The following CRABP2 variants were observed in gnomAD, a reference collection of about 807,000 sequenced individuals.
The protein encoded by CRABP2 is cellular retinoic acid binding protein 2.
Under a neutral mutation model 17.9 loss-of-function variants are expected in CRABP2, and 20 were observed. The ratio of observed to expected loss-of-function variants is 1.12; its 90% CI spans 0.79 to 1.63. The LOEUF (loss-of-function observed/expected upper bound fraction) is 1.63. Among genes scored for constraint, CRABP2 ranks in the 40% most tolerant of loss-of-function variants. The pLI is 0.00. For synonymous variants in CRABP2, 76 were observed against 66.4 expected (o/e 1.14, Z -0.70); for missense variants, 151 against 168.6 (o/e 0.90, Z 0.58).
intron 1 of CRABP2, among the ~76,000 whole-genome samples, chr1:156,704,028 C>T (rs1648120328): frequency 6.6e-6 from 1 of 152,112 alleles, no homozygotes; most frequent in South Asian, 2.1e-4. Context: ...AGGATTGGGG[C>T]CTTGAATCTT....
At position 156,700,584 on chromosome 1, in the gene CRABP2, G is replaced by A; in HGVS notation, c.324C>T (p.Thr108=). Residue 108 remains threonine, a synonymous_variant, in exon 3 of 4, where the codon ACC becomes ACT. Coordinates refer to ENST00000368222, the MANE Select transcript of CRABP2 (RefSeq NM_001878.4). ...CGTTGGTCAGTTCTCTGGTCCACGA[G>A]GTCTTGGGGCCCTCTCCCTTCAGGA... ...QKLLKGEGPK[T]SWTRELTNDG... is the part of the protein sequence containing the mutation. 1 of 1,614,152 alleles carries A rather than the reference G, an allele frequency of 6.2e-7. No individual in the cohort carries two copies. The highest frequency in any genetic ancestry group is 8.5e-7 in the Non-Finnish European group (1 of 1,180,010).
chr1:156,705,373 T>G lies in CRABP2; in HGVS notation c.70+4A>C. ...CCCACCTGGGCCCTCGAACATTTCC[T>G]TACCCAGCACTTTGAGCAATTCCTC... On this transcript the variant is annotated splice_donor_region_variant and intron_variant, in intron 1 of 3. Transcript: ENST00000368222. This position sits in a 1 kb window ranked among gnomAD's most constrained non-coding sequence, Gnocchi z 5.2. 1 of 1,613,976 alleles carries G rather than the reference T, an allele frequency of 6.2e-7. No individual in the cohort carries two copies. The highest frequency in any genetic ancestry group is 2.2e-5 in the East Asian group (1 of 44,856).
At chr1:156,704,661 G>GA (rs1648142695) in intron 1 of CRABP2, among the ~76,000 whole-genome samples, 1 of 152,216 alleles carries the variant, frequency 6.6e-6, no homozygotes, top group Non-Finnish European at 1.5e-5. Context: ...AGGTAGGTGG[G>GA]AACCTAGATT....
rs770917529 is a variant in CRABP2, at chr1:156,705,358, C to G, written c.70+19G>C. Reference sequence around the variant, plus strand: ...AGAGCCCCCCCTTGCCCCACCTGGGCCCTCGAACATTTCCTTACCCAGCAC... The same window carrying G: ...AGAGCCCCCCCTTGCCCCACCTGGGGCCTCGAACATTTCCTTACCCAGCAC... On this transcript the variant is annotated intron_variant, in intron 1 of 3. Transcript: ENST00000368222. This position sits in a 1 kb window ranked among gnomAD's most constrained non-coding sequence, Gnocchi z 5.2. 6.2e-6 allele frequency: 10 copies of G among 1,613,374 alleles called. No individual in the cohort carries two copies. The highest frequency in any genetic ancestry group is 8.5e-6 in the Non-Finnish European group (10 of 1,179,552).
intron 3 of CRABP2, among the ~76,000 whole-genome samples, 192 bp from the exon 4 acceptor site, chr1:156,700,268 G>C (rs1258916825): frequency 6.6e-6 from 1 of 152,046 alleles, no homozygotes; most frequent in Non-Finnish European, 1.5e-5. Flanking sequence ...GAGCCCCTGG[G>C]GCCCGTCCTC....
At chr1:156,704,323 C>A (rs1648129731) in intron 1 of CRABP2, among the ~76,000 whole-genome samples, 1 of 152,132 alleles carries the variant, frequency 6.6e-6, no homozygotes, top group Non-Finnish European at 1.5e-5. Context: ...TCCTATAGTC[C>A]AGGGAGAGGG....
intron 1 of CRABP2, among the ~76,000 whole-genome samples, chr1:156,704,811 G>A (rs899408620): frequency 1.6e-4 from 25 of 151,938 alleles, no homozygotes; most frequent in African/African-American, 4.6e-4. Context: ...GGTGGGGAGA[G>A]CAGAGTGGAA....
chr1:156,703,743 C>A (rs948171798), intron 1 of CRABP2, among the ~76,000 whole-genome samples: 1 of 152,182 alleles, frequency 6.6e-6, no homozygotes, highest in Non-Finnish European at 1.5e-5. Context: ...AATGACAGGT[C>A]CCCAAGTCTT....
chr1:156,703,217 C>CTTCTTCTTCTTCTT (rs1648092411), intron 1 of CRABP2, among the ~76,000 whole-genome samples: 1 of 152,118 alleles, frequency 6.6e-6, no homozygotes, highest in East Asian at 1.9e-4. Context: ...TGATGTATCC[C>CTTCTTCTTCTTCTT]CTTCTTCAGG....
At chr1:156,703,427 G>A (rs1648098247) in intron 1 of CRABP2, among the ~76,000 whole-genome samples, 1 of 152,092 alleles carries the variant, frequency 6.6e-6, no homozygotes, top group Non-Finnish European at 1.5e-5. Flanking sequence ...TGGGCTCCAG[G>A]TCTAAGCTCC....
In CRABP2 at chr1:156,705,319, A is replaced by G. The variant is rs748252487; in HGVS notation, c.70+58T>C. ...GGTCCCGCTGTCTTTCTCATCCCCA[A>G]CTTCGAGGACTCCAGAGCCCCCCCT... is the stretch of plus-strand genomic sequence containing the variant. On this transcript the variant is annotated intron_variant, in intron 1 of 3. Transcript: ENST00000368222. This position sits in a 1 kb window ranked among gnomAD's most constrained non-coding sequence, Gnocchi z 5.2. The G allele has an allele frequency of 1.1e-5, 17 of 1,576,330 alleles. No individual in the cohort carries two copies. Among genetic ancestry groups the G allele is most frequent in the South Asian group, 8.9e-5 (8 of 90,370 alleles).
chr1:156,700,690 C>T (rs1380279644), intron 2 of CRABP2, 32 bp from the exon 3 acceptor site: 4 of 1,595,130 alleles, frequency 2.5e-6, no homozygotes, highest in East Asian at 2.2e-5. Flanking sequence ...GTGAGCTGGG[C>T]CCATAGCAGG....
At chr1:156,701,156 G>C in intron 1 of CRABP2, 104 bp from the exon 2 acceptor site, 1 of 1,341,576 alleles carries the variant, frequency 7.5e-7, no homozygotes, top group Non-Finnish European at 1.0e-6. Context: ...ACTTGCTTGG[G>C]GTGGGTGTGT....
Position 156,705,524 on chromosome 1 carries a change from C to T in CRABP2, c.-78G>A. 6.6e-7 allele frequency: 1 copy of T among 1,522,886 alleles called. No individual in the cohort carries two copies. The highest frequency in any genetic ancestry group is 9.1e-7 in the Non-Finnish European group (1 of 1,104,160). The allele number at this position is 1,522,886 out of a possible 1,614,324, so 94.3% of individuals were successfully genotyped here. A position where few individuals can be genotyped will look rare whatever the true frequency, so the allele number is the denominator to read the frequency against. On this transcript the variant is annotated 5_prime_UTR_variant, in exon 1 of 4. Transcript: ENST00000368222. This position sits in a 1 kb window ranked among gnomAD's most constrained non-coding sequence, Gnocchi z 5.2. ...ACTGTCTTTTAGTCAAAAGAGACGT[C>T]GCCGTCGCCGGGTCGTCAGGTTCTG...
Position 156,699,840 on chromosome 1 carries a change from T to G in CRABP2, c.*186A>C. On this transcript the variant is annotated 3_prime_UTR_variant, in exon 4 of 4. Coordinates refer to ENST00000368222, the MANE Select transcript of CRABP2 (RefSeq NM_001878.4). ...TCTTGCAGCCATTCCTCTTTGTTGG[T>G]GTAGGGGAGGAGAGAAGAGGTCAAA... 1.7e-6 allele frequency: 1 copy of G among 579,410 alleles called. No homozygotes were observed. The highest frequency in any genetic ancestry group is 3.0e-5 in the East Asian group (1 of 33,578). The allele number at this position is 579,410 out of a possible 1,614,324, so 35.9% of individuals were successfully genotyped here. A position where few individuals can be genotyped will look rare whatever the true frequency, so the allele number is the denominator to read the frequency against.
intron 3 of CRABP2, 138 bp downstream of exon 3, chr1:156,700,404 T>C: frequency 1.4e-6 from 1 of 735,414 alleles, no homozygotes; most frequent in African/African-American, 1.7e-5. Flanking sequence ...GACACCTTAG[T>C]TCTGTTCAAG....
upstream of CRABP2, chr1:156,705,586 C>T: frequency 2.3e-6 from 2 of 882,028 alleles, no homozygotes; most frequent in African/African-American, 1.7e-5. This position sits in a 1 kb window ranked among gnomAD's most constrained non-coding sequence, Gnocchi z 5.2. Context: ...CCAAAGCTGG[C>T]CTGGGCTCCC....
intron 1 of CRABP2, among the ~76,000 whole-genome samples, chr1:156,701,739 T>C (rs1648039358): frequency 6.6e-6 from 1 of 152,096 alleles, no homozygotes; most frequent in Non-Finnish European, 1.5e-5. Flanking sequence ...GGCTGTGATT[T>C]CCTCCTGGCT....
At chr1:156,703,033 A>T (rs1049711355) in intron 1 of CRABP2, among the ~76,000 whole-genome samples, 2 of 29,490 alleles carry the variant, frequency 6.8e-5, no homozygotes, top group South Asian at 1.0e-3. Context: ...CCTACCACTA[A>T]AAAAAAAAAA....
Sources: gnomAD v4.1 joint callset for allele counts (sites outside exome capture counted in the v4.1 genomes callset) on GRCh38, gnomAD v4.1.1 for gene constraint, Gnocchi (gnomAD v3.1) non-coding constraint, MANE v1.5 for transcripts, NCBI Gene and HGNC (gene_info 2026-07-23, HGNC 2026-07-21) for gene names.